The following SGCZ variants were observed in gnomAD, a reference collection of about 807,000 sequenced individuals.
SGCZ encodes the protein sarcoglycan zeta, also known as zeta-sarcoglycan.
A neutral mutation model predicts 41.3 loss-of-function variants in SGCZ; 40 were observed. The observed-to-expected ratio is 0.97, with a 90% confidence interval of 0.75 to 1.26. SGCZ has a LOEUF of 1.26. SGCZ is among the 50% of genes most tolerant of loss of function. The probability of loss-of-function intolerance (pLI) is 0.00; values close to 1 mark genes in which losing one functional copy is unlikely to be tolerated. For synonymous variants in SGCZ, 206 were observed against 137.5 expected (o/e 1.50, Z -3.49); for missense variants, 552 against 369.8 (o/e 1.49, Z -4.04).
intron 1 of SGCZ, among the ~76,000 whole-genome samples, chr8:14,894,737 G>A (rs1035519005): frequency 2.0e-5 from 3 of 151,996 alleles, no homozygotes; most frequent in Admixed American, 1.3e-4. Context: ...AGGTAAAAAT[G>A]TCGGTCTTCT....
At chr8:14,688,692 C>T (rs2410207) in intron 1 of SGCZ, among the ~76,000 whole-genome samples, 53,165 of 151,734 alleles carry the variant, frequency 0.35, 11,672 homozygotes, top group African/African-American at 0.63. Context: ...TTTTTTGGTG[C>T]CATATGAACT....
At chr8:14,855,322 T>G (rs983989186) in intron 1 of SGCZ, among the ~76,000 whole-genome samples, 1 of 152,170 alleles carries the variant, frequency 6.6e-6, no homozygotes, top group Non-Finnish European at 1.5e-5. Flanking sequence ...AGTGCTGGGA[T>G]TTCAGGCGTG....
intron 1 of SGCZ, among the ~76,000 whole-genome samples, chr8:14,987,964 G>C (rs558128764): frequency 2.2e-4 from 34 of 151,988 alleles, no homozygotes; most frequent in Non-Finnish European, 3.8e-4. Context: ...GTAAAACACA[G>C]AGTGAATTTA....
Position 14,108,182 on chromosome 8 carries a change from C to A in SGCZ, c.601G>T (p.Glu201Ter). The change falls in exon 6 of 8, where the codon GAG becomes TAG. Residue 201 changes from glutamate (E) to a stop codon, truncating the protein, a stop_gained. Coordinates refer to ENST00000382080, the MANE Select transcript of SGCZ (RefSeq NM_139167.4). LOFTEE classifies it high-confidence loss of function. ...HSVETPHIRA[E>*]PSQDLRLESP... ...CCTTACCTGAGATCTTGGGATGGCT[C>A]TGCTCTGATGTGCGGCGTCTCCACA... 1.9e-6 allele frequency: 3 copies of A among 1,614,084 alleles called. No homozygotes were observed. Among genetic ancestry groups the A allele is most frequent in the Non-Finnish European group, 2.5e-6 (3 of 1,179,984 alleles).
chr8:14,860,387 T>G (rs1199250994), intron 1 of SGCZ, among the ~76,000 whole-genome samples: 2 of 151,232 alleles, frequency 1.3e-5, no homozygotes, highest in African/African-American at 4.9e-5. Flanking sequence ...ATTGACAAAC[T>G]GGGTTTTAAC....
At chr8:14,235,007 A>G (rs955102047) in intron 4 of SGCZ, among the ~76,000 whole-genome samples, 4 of 152,144 alleles carry the variant, frequency 2.6e-5, no homozygotes, top group African/African-American at 9.7e-5. Context: ...CAATAATTAC[A>G]CTCACCATCA....
At chr8:14,195,517 T>G (rs1030211178) in intron 4 of SGCZ, among the ~76,000 whole-genome samples, 3 of 152,042 alleles carry the variant, frequency 2.0e-5, no homozygotes, top group African/African-American at 7.2e-5. Context: ...GGGATAAAGT[T>G]TTCTAAGTTT....
At chr8:14,860,069 CACTTTA>C (rs1184839853) in intron 1 of SGCZ, among the ~76,000 whole-genome samples, 2 of 150,090 alleles carry the variant, frequency 1.3e-5, no homozygotes, top group African/African-American at 4.8e-5. Context: ...GTTCCCTCTC[CACTTTA>C]AAGAAACAGA....
At chr8:14,851,711 A>T (rs1043002125) in intron 1 of SGCZ, among the ~76,000 whole-genome samples, 1 of 152,088 alleles carries the variant, frequency 6.6e-6, no homozygotes, top group Admixed American at 6.6e-5. Context: ...ATGATTTTCC[A>T]TTTATATATA....
At chr8:14,808,843 A>C (rs141491307) in intron 1 of SGCZ, among the ~76,000 whole-genome samples, 21,375 of 151,830 alleles carry the variant, frequency 0.14, 1,974 homozygotes, top group African/African-American at 0.26. Context: ...ATGTCCAACG[A>C]TGATAGACTG....
intron 2 of SGCZ, among the ~76,000 whole-genome samples, chr8:14,377,159 A>G (rs994533998): frequency 6.6e-6 from 1 of 152,180 alleles, no homozygotes; most frequent in African/African-American, 2.4e-5. Context: ...ATACTCCCCA[A>G]CCTCCAGGGA....
chr8:14,802,777 G>T (rs1219221412), intron 1 of SGCZ, among the ~76,000 whole-genome samples: 3 of 152,166 alleles, frequency 2.0e-5, no homozygotes, highest in African/African-American at 7.2e-5. Flanking sequence ...TGAAAAATGG[G>T]CTTAGATGAG....
chr8:14,938,803 T>C (rs1367812327), intron 1 of SGCZ, among the ~76,000 whole-genome samples: 1 of 152,056 alleles, frequency 6.6e-6, no homozygotes, highest in Non-Finnish European at 1.5e-5. Context: ...TAAGCTGTGG[T>C]ACAATGATAA....
chr8:14,545,099 T>C (rs981114173), intron 2 of SGCZ, among the ~76,000 whole-genome samples: 1 of 152,120 alleles, frequency 6.6e-6, no homozygotes, highest in African/African-American at 2.4e-5. Flanking sequence ...CTGTCTCTCT[T>C]TATTTCTCAG....
chr8:14,650,009 A>C (rs956285690), intron 1 of SGCZ, among the ~76,000 whole-genome samples: 2 of 152,086 alleles, frequency 1.3e-5, no homozygotes, highest in African/African-American at 4.8e-5. Context: ...CTTGCCAGGA[A>C]ACTATAGTTG....
intron 1 of SGCZ, among the ~76,000 whole-genome samples, chr8:14,788,276 C>T (rs1430505170): frequency 6.6e-6 from 1 of 152,046 alleles, no homozygotes; most frequent in Non-Finnish European, 1.5e-5. Flanking sequence ...ATTATTATTT[C>T]CAGAAACATA....
At chr8:14,978,236 G>GT (rs1554532040) in intron 1 of SGCZ, among the ~76,000 whole-genome samples, 1 of 59,002 alleles carries the variant, frequency 1.7e-5, no homozygotes, top group East Asian at 5.1e-4. Context: ...AGGAGGCTGA[G>GT]GGGGGTGGAT....
chr8:15,094,713 G>C (rs140513199), intron 1 of SGCZ, among the ~76,000 whole-genome samples: 1 of 152,244 alleles, frequency 6.6e-6, no homozygotes, highest in East Asian at 1.9e-4. Flanking sequence ...GGAAGGATCA[G>C]GTGAAGATAA....
At chr8:14,134,724 A>C (rs552761237) in intron 5 of SGCZ, among the ~76,000 whole-genome samples, 1 of 152,230 alleles carries the variant, frequency 6.6e-6, no homozygotes. Context: ...AGGCTGCCGC[A>C]AAGACTTCGT....
Sources: gnomAD v4.1 joint callset for allele counts (sites outside exome capture counted in the v4.1 genomes callset) on GRCh38, gnomAD v4.1.1 for gene constraint, MANE v1.5 for transcripts, NCBI Gene and HGNC (gene_info 2026-07-23, HGNC 2026-07-21) for gene names.